Variants in PHACTR2 observed in about 807,000 individuals in gnomAD.
PHACTR2 encodes chromosome 6 open reading frame 56.
PHACTR2 carries 30 observed loss-of-function variants against 76.0 expected under a neutral mutation model. The ratio of observed to expected loss-of-function variants is 0.39; its 90% CI spans 0.30 to 0.54. PHACTR2 has a LOEUF of 0.54. Among genes scored for constraint, PHACTR2 ranks in the 20% least tolerant of loss-of-function variants. The pLI is 0.61. For synonymous variants in PHACTR2, 292 were observed against 292.5 expected (o/e 1.00, Z 0.02); for missense variants, 696 against 781.1 (o/e 0.89, Z 1.30).
chr6:143,767,623 G>A lies in PHACTR2; in HGVS notation c.1232+1825G>A, dbSNP rs1779588562. Among the ~76,000 whole-genome samples, 1 of 152,146 alleles carries A rather than the reference G, an allele frequency of 6.6e-6. No homozygotes were observed. ...CAGTCCTAGGGGCTGAGAAGTCCAA[G>A]ATCAAGGCAGCAGCATTTGGCAAGG... On this transcript the variant is annotated intron_variant, in intron 6 of 12. Transcript: ENST00000440869. This position sits in a 1 kb window ranked among gnomAD's most constrained non-coding sequence, Gnocchi z 4.4.
intron 6 of PHACTR2, among the ~76,000 whole-genome samples, chr6:143,771,190 G>GTATATATATA (rs1562300806): frequency 8.9e-5 from 2 of 22,450 alleles, no homozygotes; most frequent in African/African-American, 5.1e-4. Context: ...ATATATATAT[G>GTATATATATA]TGTGTATATA....
intron 1 of PHACTR2, among the ~76,000 whole-genome samples, chr6:143,691,574 A>G (rs1777644541): frequency 6.6e-6 from 1 of 152,230 alleles, no homozygotes; most frequent in Admixed American, 6.5e-5. Flanking sequence ...TTTGAAGTAA[A>G]TATATAGTTA....
chr6:143,587,312 C>T (rs576397707), intron 1 of PHACTR2, among the ~76,000 whole-genome samples: 3 of 152,300 alleles, frequency 2.0e-5, no homozygotes, highest in African/African-American at 4.8e-5. Context: ...CAGGCATAGA[C>T]ATAGGAATGC....
intron 11 of PHACTR2, among the ~76,000 whole-genome samples, chr6:143,792,230 T>C (rs1775706953): frequency 6.6e-6 from 1 of 152,186 alleles, no homozygotes; most frequent in African/African-American, 2.4e-5. Context: ...CTTTTACTCA[T>C]TCTCATCAAA....
chr6:143,582,478 C>CA (rs1333301422), intron 1 of PHACTR2, among the ~76,000 whole-genome samples: 3 of 152,010 alleles, frequency 2.0e-5, no homozygotes, highest in African/African-American at 7.3e-5. Context: ...TAAAAACTGT[C>CA]ATTCATTTTT....
rs1776554708 is a variant in PHACTR2, at chr6:143,827,164, A to ATATATATATG, written c.*3484_*3485insGTATATATAT. The stretch of plus-strand genomic sequence containing the variant: ...TGGCATTAAAAAAGAAAATATATAT[A>ATATATATATG]TATATATATATATATATATATATAT... On this transcript the variant is annotated 3_prime_UTR_variant, in exon 13 of 13. Transcript: ENST00000440869. 7.0e-5 allele frequency: 3 copies of ATATATATATG among 42,958 alleles called. No individual in the cohort carries two copies. The highest frequency in any genetic ancestry group is 1.0e-4 in the Non-Finnish European group (2 of 19,062). 2.7% of individuals were successfully genotyped at this position (42,958 alleles called of 1,614,324 possible).
chr6:143,578,912 T>G lies in PHACTR2; in HGVS notation c.217+41705T>G, dbSNP rs559935654. 9.3e-5 allele frequency among the ~76,000 whole-genome samples: 13 copies of G among 140,112 alleles called. No homozygotes were observed. In the East Asian group the frequency reaches 3.0e-3, roughly 32 times the overall value. The allele number at this position is 140,112 out of a possible 152,430, so 91.9% of individuals were successfully genotyped here. ...ATAATCCTGCCCCCAAAACTTTTTT[T>G]TTTGTTGTTGAGACAGGATCTTGTT... is the stretch of plus-strand genomic sequence containing the variant. On this transcript the variant is annotated intron_variant, in intron 1 of 11. Coordinates refer to the PHACTR2 transcript ENST00000367584. This position sits in a 1 kb window ranked among gnomAD's most constrained non-coding sequence, Gnocchi z 4.5.
Position 143,759,642 on chromosome 6 carries a change from A to T in PHACTR2, c.455-759A>T, listed in dbSNP as rs527820437. On this transcript the variant is annotated intron_variant, in intron 4 of 12. Coordinates refer to ENST00000440869, the MANE Select transcript of PHACTR2 (RefSeq NM_001100164.2). ...AGACCCTATCTGAAAAAAAAAAAAA[A>T]TTTTTTTTTTAAGATTTTCTTTCAT... 7.7e-3 allele frequency among the ~76,000 whole-genome samples: 1,071 copies of T among 139,392 alleles called. 16 individuals carry two copies. The highest frequency in any genetic ancestry group is 0.026 in the African/African-American group (967 of 37,592). The allele number at this position is 139,392 out of a possible 152,430, so 91.4% of individuals were successfully genotyped here. A position where few individuals can be genotyped will look rare whatever the true frequency, so the allele number is the denominator to read the frequency against.
At chr6:143,747,668 G>T (rs1023219306) in intron 2 of PHACTR2, among the ~76,000 whole-genome samples, 20 of 152,274 alleles carry the variant, frequency 1.3e-4, no homozygotes, top group African/African-American at 4.6e-4. Context: ...TTGTCTACCA[G>T]TGTAGCTTTC....
At chr6:143,785,640 GC>G (rs895430383) in intron 10 of PHACTR2, among the ~76,000 whole-genome samples, 2 of 152,158 alleles carry the variant, frequency 1.3e-5, no homozygotes, top group African/African-American at 4.8e-5. Context: ...TTCTCCATGA[GC>G]CCCACCCCAC....
chr6:143,732,711 A>C (rs1717781629), intron 2 of PHACTR2, among the ~76,000 whole-genome samples: 1 of 152,166 alleles, frequency 6.6e-6, no homozygotes, highest in Non-Finnish European at 1.5e-5. Context: ...AGGAACTGCC[A>C]AACTGTTTTT....
At chr6:143,703,161 A>AAG (rs1777956123) in intron 1 of PHACTR2, among the ~76,000 whole-genome samples, 1 of 150,180 alleles carries the variant, frequency 6.7e-6, no homozygotes, top group Non-Finnish European at 1.5e-5. Flanking sequence ...ATTACTAAAA[A>AAG]AAAAAAAAAA....
At position 143,650,379 on chromosome 6, in the gene PHACTR2, C is replaced by T. The variant is rs149754013; in HGVS notation, c.13+42057C>T. On this transcript the variant is annotated intron_variant, in intron 1 of 11. Transcript: ENST00000305766. ...GGAACCAAAAAAGAGCCCAAATAGC[C>T]GAGGCAATCCTAAGCAAAAAGAACA... is the stretch of plus-strand genomic sequence containing the variant. 7.1e-4 allele frequency among the ~76,000 whole-genome samples: 108 copies of T among 152,156 alleles called. 1 individual carries two copies. In the East Asian group the frequency reaches 0.019, roughly 26 times the overall value.
Position 143,742,359 on chromosome 6 carries a change from C to A in PHACTR2, c.215-6626C>A. ...CTTTTGTTGTTGTTGTGGTTGTTAACTTCAGTTCTCCTCTTGCGGAGGCAA... is the reference window on the plus strand; with the variant it reads ...CTTTTGTTGTTGTTGTGGTTGTTAAATTCAGTTCTCCTCTTGCGGAGGCAA... On this transcript the variant is annotated intron_variant, in intron 2 of 12. Transcript: ENST00000440869. The surrounding 1 kb of genome is among the most constrained non-coding windows in gnomAD (Gnocchi z 4.5). Among the ~76,000 whole-genome samples, 1 of 152,148 alleles carries A rather than the reference C, an allele frequency of 6.6e-6. No individual in the cohort carries two copies. The highest frequency in any genetic ancestry group is 1.5e-5 in the Non-Finnish European group (1 of 68,036).
At chr6:143,788,596 C>T (rs1235997985) in intron 10 of PHACTR2, among the ~76,000 whole-genome samples, 177 bp from the exon 11 acceptor site, 1 of 150,428 alleles carries the variant, frequency 6.6e-6, no homozygotes, top group Non-Finnish European at 1.5e-5. Flanking sequence ...AAAATTAGGG[C>T]ACATGGCTTT....
rs1428432960 is a variant in PHACTR2 at position 143,591,719 on chromosome 6, A to T, written c.217+54512A>T. On this transcript the variant is annotated intron_variant, in intron 1 of 11. Coordinates refer to the PHACTR2 transcript ENST00000367584. The surrounding 1 kb of genome is among the most constrained non-coding windows in gnomAD (Gnocchi z 6.4). ...CCCAATGCTGCACTGACATGTGGGC[A>T]TAAGGGGCCTCCCTGCTCTGGGCGC... 6.6e-6 allele frequency among the ~76,000 whole-genome samples: 1 copy of T among 152,232 alleles called. No individual in the cohort carries two copies. Among genetic ancestry groups the T allele is most frequent in the East Asian group, 1.9e-4 (1 of 5,198 alleles).
intron 1 of PHACTR2, among the ~76,000 whole-genome samples, chr6:143,609,605 T>C (rs1775945947): frequency 6.6e-6 from 1 of 152,098 alleles, no homozygotes; most frequent in African/African-American, 2.4e-5. Context: ...AATTTGAAGA[T>C]CAACCAAAAG....
rs547053329 is a variant in PHACTR2 at position 143,562,895 on chromosome 6, A to G, written c.217+25688A>G. Reference sequence around the variant, plus strand: ...CCAGACACAGATGGATAAATATTGTATGATTCCACGTAGAGGATTTACCTA... The same window carrying G: ...CCAGACACAGATGGATAAATATTGTGTGATTCCACGTAGAGGATTTACCTA... On this transcript the variant is annotated intron_variant, in intron 1 of 11. Coordinates refer to the PHACTR2 transcript ENST00000367584. The surrounding 1 kb of genome is among the most constrained non-coding windows in gnomAD (Gnocchi z 5.1). Among the ~76,000 whole-genome samples the G allele has an allele frequency of 6.9e-4, 105 of 152,356 alleles. No homozygotes were observed. The highest frequency in any genetic ancestry group is 2.5e-3 in the African/African-American group (102 of 41,584).
intron 6 of PHACTR2, among the ~76,000 whole-genome samples, chr6:143,771,172 ATGTATATATATATATATGTG>A (rs1775110108): frequency 1.8e-4 from 4 of 22,150 alleles, no homozygotes; most frequent in African/African-American, 7.6e-4. Flanking sequence ...ATATATATAT[ATGTATATATATATATATGTG>A]TGTATATATA....
Sources: allele counts gnomAD v4.1 joint callset (sites outside exome capture counted in the v4.1 genomes callset), GRCh38; gene constraint gnomAD v4.1.1; non-coding constraint Gnocchi (gnomAD v3.1); transcripts MANE v1.5; gene names NCBI Gene and HGNC (gene_info 2026-07-23, HGNC 2026-07-21).